ZNF704: variants seen among roughly 807,000 people sequenced by gnomAD.
ZNF704 encodes zinc finger protein 704.
In ZNF704, 10 loss-of-function variants were observed where a neutral mutation model predicts 44.7. The ratio of observed to expected loss-of-function variants is 0.22; its 90% CI spans 0.14 to 0.38. The LOEUF is 0.38. Ranked by LOEUF, ZNF704 falls within the 10% of genes least tolerant of loss-of-function variation. The probability of loss-of-function intolerance (pLI) is 1.00; values close to 1 mark genes in which losing one functional copy is unlikely to be tolerated. For synonymous variants in ZNF704, 211 were observed against 207.6 expected (o/e 1.02, Z -0.14); for missense variants, 390 against 545.5 (o/e 0.71, Z 2.84).
chr8:80,714,943 T>C (rs1819049047), intron 2 of ZNF704, among the ~76,000 whole-genome samples: 1 of 152,186 alleles, frequency 6.6e-6, no homozygotes. Context: ...TTAATATTCA[T>C]CAATTCAACT....
intron 1 of ZNF704, among the ~76,000 whole-genome samples, chr8:80,826,551 G>T (rs1563567686): frequency 1.3e-5 from 2 of 152,096 alleles, no homozygotes. Context: ...AGAAAAAGAG[G>T]GAATCCTCCC....
At chr8:80,642,800 T>TAAAACA (rs1297585823) in intron 8 of ZNF704, among the ~76,000 whole-genome samples, 3 of 152,074 alleles carry the variant, frequency 2.0e-5, no homozygotes, top group Non-Finnish European at 1.5e-5. Context: ...ACCTATTCTG[T>TAAAACA]AAAACAAAAA....
At chr8:80,656,559 C>T (rs1157904926) in intron 7 of ZNF704, among the ~76,000 whole-genome samples, 3 of 152,218 alleles carry the variant, frequency 2.0e-5, no homozygotes, top group Non-Finnish European at 4.4e-5. Context: ...GACTGAACTT[C>T]CAGTTACATT....
In ZNF704 at chr8:80,641,410, T is replaced by C; in HGVS notation, c.1195A>G (p.Thr399Ala). Residue 399 changes from threonine (T) to alanine (A), a missense_variant, in exon 9 of 9, where the codon ACC (threonine) becomes GCC (alanine). Physicochemically the swap from Thr to Ala is moderately conservative, Grantham distance 58. This residue lies in a region of ZNF704 where 305 missense variants were observed against 435.7 expected (regional missense o/e 0.70). Coordinates refer to ENST00000327835, the MANE Select transcript of ZNF704 (RefSeq NM_001033723.3). ...YGMENRDMWC[T>A]ACRWKKACQR... The stretch of plus-strand genomic sequence containing the variant: ...CAGGCCTTCTTCCAGCGGCAGGCGG[T>C]ACACCACATGTCTCGGTTCTCCATC... 6.2e-7 allele frequency: 1 copy of C among 1,611,422 alleles called. No homozygotes were observed. The highest frequency in any genetic ancestry group is 8.5e-7 in the Non-Finnish European group (1 of 1,178,816).
chr8:80,645,398 T>C (rs187731273), intron 7 of ZNF704, among the ~76,000 whole-genome samples: 164 of 152,310 alleles, frequency 1.1e-3, no homozygotes, highest in African/African-American at 3.6e-3. Context: ...GTATTAGTAC[T>C]TTCTCTTCTC....
chr8:80,700,312 C>T (rs998791290), intron 2 of ZNF704, among the ~76,000 whole-genome samples: 5 of 152,290 alleles, frequency 3.3e-5, no homozygotes, highest in South Asian at 4.1e-4. Flanking sequence ...AGAGAAAAGA[C>T]GTTGCAGTCT....
intron 2 of ZNF704, among the ~76,000 whole-genome samples, chr8:80,767,555 T>C (rs186786734): frequency 6.6e-6 from 1 of 152,210 alleles, no homozygotes. Flanking sequence ...TTGAAGAAAA[T>C]ATAGAAACAG....
At chr8:80,879,221 T>A (rs944384637), upstream of ZNF704, among the ~76,000 whole-genome samples, 7 of 145,492 alleles carry the variant, frequency 4.8e-5, no homozygotes, top group Non-Finnish European at 8.9e-5. Flanking sequence ...CTAGTGTGTA[T>A]GTTAAGAAAT....
At position 80,636,229 on chromosome 8, in the gene ZNF704, T is replaced by C. The variant is rs1817661556; in HGVS notation, c.*5137A>G. 6.6e-6 allele frequency: 1 copy of C among 152,220 alleles called. No homozygotes were observed. Among genetic ancestry groups the C allele is most frequent in the African/African-American group, 2.4e-5 (1 of 41,454 alleles). The allele number at this position is 152,220 out of a possible 1,614,324, so 9.4% of individuals were successfully genotyped here. A position where few individuals can be genotyped will look rare whatever the true frequency, so the allele number is the denominator to read the frequency against. On this transcript the variant is annotated 3_prime_UTR_variant, in exon 9 of 9. Transcript: ENST00000327835. The stretch of plus-strand genomic sequence containing the variant: ...AAAGGTTATGTTTTGCCAAGACATA[T>C]TACCATTGTGATTCTCAGACCCACA...
intron 7 of ZNF704, among the ~76,000 whole-genome samples, chr8:80,654,984 A>C (rs1180818458): frequency 1.3e-4 from 20 of 152,246 alleles, no homozygotes; most frequent in Admixed American, 1.3e-3. Flanking sequence ...AATGTGGCAC[A>C]TATACACCAT....
In ZNF704 at chr8:80,843,073, A is replaced by T. The variant is rs559395128; in HGVS notation, c.-21-21458T>A. On this transcript the variant is annotated intron_variant, in intron 1 of 8. Coordinates refer to ENST00000327835, the MANE Select transcript of ZNF704 (RefSeq NM_001033723.3). The stretch of plus-strand genomic sequence containing the variant: ...TCTGTACCACTGCTAACGATGTAGA[A>T]GATATTATTTTCCACCAATATTTCT... Among the ~76,000 whole-genome samples the T allele has an allele frequency of 5.9e-5, 9 of 152,342 alleles. No individual in the cohort carries two copies. In the East Asian group the frequency reaches 1.7e-3, roughly 29 times the overall value.
chr8:80,700,242 G>A (rs900967950), intron 2 of ZNF704, among the ~76,000 whole-genome samples: 4 of 152,218 alleles, frequency 2.6e-5, no homozygotes, highest in East Asian at 1.9e-4. Flanking sequence ...TCCTAACTTC[G>A]TAACTTCTGT....
At chr8:80,758,960 T>C (rs752799686) in intron 2 of ZNF704, among the ~76,000 whole-genome samples, 3 of 152,208 alleles carry the variant, frequency 2.0e-5, no homozygotes, top group African/African-American at 2.4e-5. Context: ...AAAGGTTATA[T>C]AGCAAGTAAG....
At position 80,655,376 on chromosome 8, in the gene ZNF704, T is replaced by TA. The variant is rs547391443; in HGVS notation, c.1032+4208dup. ...AAACGTATTTGGAAAGTTCCCAGTA[T>TA]AAAAAAAAAAAGAATTTTAAATTAT... On this transcript the variant is annotated intron_variant, in intron 7 of 8. Transcript: ENST00000327835. Among the ~76,000 whole-genome samples, 221 of 144,342 alleles carry TA rather than the reference T, an allele frequency of 1.5e-3. 3 individuals carry two copies. Among genetic ancestry groups the TA allele is most frequent in the Non-Finnish European group, 6.4e-4 (42 of 65,320 alleles). 94.7% of individuals were successfully genotyped at this position (144,342 alleles called of 152,430 possible). A position where few individuals can be genotyped will look rare whatever the true frequency, so the allele number is the denominator to read the frequency against.
At chr8:80,758,951 A>G (rs934843098) in intron 2 of ZNF704, among the ~76,000 whole-genome samples, 3 of 152,196 alleles carry the variant, frequency 2.0e-5, no homozygotes, top group Non-Finnish European at 4.4e-5. Context: ...TAACTTGCCA[A>G]AGGTTATATA....
In ZNF704 at chr8:80,635,261, G is replaced by A. The variant is rs542064660; in HGVS notation, c.*6105C>T. 4 of 152,332 alleles carry A rather than the reference G, an allele frequency of 2.6e-5. No homozygotes were observed. The South Asian group carries it at 8.3e-4, about 32-fold the overall frequency. The allele number at this position is 152,332 out of a possible 1,614,324, so 9.4% of individuals were successfully genotyped here. ...GGCAAAGCTCTGAATTATTTGTACA[G>A]TTTTAATAAACTCTTCACAACTCCC... On this transcript the variant is annotated 3_prime_UTR_variant, in exon 9 of 9. Coordinates refer to ENST00000327835, the MANE Select transcript of ZNF704 (RefSeq NM_001033723.3).
intron 2 of ZNF704, among the ~76,000 whole-genome samples, chr8:80,759,064 T>A (rs897047668): frequency 6.6e-6 from 1 of 152,128 alleles, no homozygotes; most frequent in African/African-American, 2.4e-5. Context: ...ATAGAAACAC[T>A]AGATTTAAAA....
chr8:80,659,435 G>T (rs2131604831), intron 7 of ZNF704, 150 bp downstream of exon 7: 1 of 682,288 alleles, frequency 1.5e-6, no homozygotes. Flanking sequence ...AGTGATATCT[G>T]CTGATGAGTT....
At chr8:80,821,045 C>T (rs1416028082) in intron 2 of ZNF704, among the ~76,000 whole-genome samples, 1 of 152,244 alleles carries the variant, frequency 6.6e-6, no homozygotes. Flanking sequence ...GAAGTGGCTA[C>T]AGTCCTACTT....
Sources: allele counts gnomAD v4.1 joint callset (sites outside exome capture counted in the v4.1 genomes callset), GRCh38; gene constraint gnomAD v4.1.1; regional missense constraint gnomAD v4.1.1; transcripts MANE v1.5; gene names NCBI Gene and HGNC (gene_info 2026-07-23, HGNC 2026-07-21).